The following UNC79 variants were observed in gnomAD, a reference collection of about 807,000 sequenced individuals.
UNC79 encodes the protein protein unc-79 homolog.
UNC79 carries 37 observed loss-of-function variants against 283.1 expected under a neutral mutation model. That is an observed-to-expected ratio of 0.13 (90% CI 0.10 to 0.17). The LOEUF (loss-of-function observed/expected upper bound fraction) is 0.17. Among genes scored for constraint, UNC79 ranks in the 10% least tolerant of loss-of-function variants. UNC79 has a pLI of 1.00. For synonymous variants in UNC79, 1,107 were observed against 1,200.2 expected, an observed-to-expected ratio of 0.92 and a Z score of 1.61; for missense variants, 2,272 against 3,211.1, an observed-to-expected ratio of 0.71 and a Z score of 7.07.
chr14:93,539,244 C>G (rs1229567457), intron 12 of UNC79, among the ~76,000 whole-genome samples: 2 of 147,328 alleles, frequency 1.4e-5, no homozygotes, highest in Non-Finnish European at 3.0e-5. Flanking sequence ...ATAATATGGC[C>G]GGGCGCAGTG....
chr14:93,577,884 A>G (rs2063561461), exon 18 of UNC79: 2 of 1,614,092 alleles, frequency 1.2e-6, no homozygotes, highest in Non-Finnish European at 1.7e-6. Context: ...TCAGCACAAT[A>G]TGCTTAGTCC....
At chr14:93,532,707 G>A (rs914061427) in intron 11 of UNC79, 129 bp downstream of exon 11, 2 of 1,094,176 alleles carry the variant, frequency 1.8e-6, no homozygotes, top group East Asian at 2.6e-5. Context: ...TTGTGGAGGG[G>A]TAAAGGAAAT....
chr14:93,564,609 C>T (rs1427715844), intron 14 of UNC79, among the ~76,000 whole-genome samples: 1 of 152,196 alleles, frequency 6.6e-6, no homozygotes, highest in Non-Finnish European at 1.5e-5. Flanking sequence ...ACCAAACAGG[C>T]TTTGTGTGAG....
chr14:93,650,225 G>T (rs992179277), intron 35 of UNC79, among the ~76,000 whole-genome samples: 2 of 152,008 alleles, frequency 1.3e-5, no homozygotes, highest in Admixed American at 6.6e-5. Context: ...GGACTTCTAG[G>T]TTTTTTCAGT....
At chr14:93,560,306 T>C (rs11851844) in intron 14 of UNC79, among the ~76,000 whole-genome samples, 131,150 of 151,812 alleles carry the variant, frequency 0.86, 56,738 homozygotes, top group East Asian at 0.94. Context: ...CCAGGCCAGA[T>C]CGATTTAGGT....
chr14:93,506,431 C>T (rs535708790), intron 7 of UNC79, among the ~76,000 whole-genome samples: 9 of 152,150 alleles, frequency 5.9e-5, no homozygotes, highest in East Asian at 1.9e-4. Flanking sequence ...CCATCTTGGC[C>T]AGGCTAGCCT....
intron 42 of UNC79, among the ~76,000 whole-genome samples, chr14:93,684,207 C>A (rs894163982): frequency 6.6e-6 from 1 of 152,094 alleles, no homozygotes; most frequent in Non-Finnish European, 1.5e-5. Context: ...CCATTTTTCC[C>A]TCCCCAGCAG....
In UNC79 at chr14:93,692,638, A is replaced by G. The variant is rs533212780; in HGVS notation, c.7470+692A>G. 6.4e-4 allele frequency among the ~76,000 whole-genome samples: 97 copies of G among 152,328 alleles called. No individual in the cohort carries two copies. The Middle Eastern group carries it at 0.017, about 27-fold the overall frequency. On this transcript the variant is annotated intron_variant, in intron 46 of 48. Coordinates refer to ENST00000555664, the Ensembl canonical transcript of UNC79. ...GCCTCACGTTTTCAAGCTGGCTTAT[A>G]GGGACCTATGCTCCCCAATCTTCAA... is the stretch of plus-strand genomic sequence containing the variant.
intron 42 of UNC79, among the ~76,000 whole-genome samples, chr14:93,683,133 GT>G (rs1345801085): frequency 0.018 from 2,633 of 145,042 alleles, 79 homozygotes; most frequent in African/African-American, 0.063. Flanking sequence ...ACTAAACTAT[GT>G]TTTTTTTTTT....
chr14:93,603,494 C>G, intron 26 of UNC79, 76 bp downstream of exon 26: 2 of 1,509,876 alleles, frequency 1.3e-6, no homozygotes, highest in African/African-American at 1.4e-5. Context: ...GTTGAATGTT[C>G]ACAGAGAGTA....
At chr14:93,455,828 T>C (rs2056780471) in intron 1 of UNC79, among the ~76,000 whole-genome samples, 1 of 152,012 alleles carries the variant, frequency 6.6e-6, no homozygotes, top group Non-Finnish European at 1.5e-5. Context: ...TCATAGTAAA[T>C]AGAAGAGCCA....
intron 14 of UNC79, among the ~76,000 whole-genome samples, chr14:93,561,282 G>A (rs1277506559): frequency 2.0e-5 from 3 of 152,164 alleles, no homozygotes; most frequent in Non-Finnish European, 4.4e-5. Flanking sequence ...TTTGTTGTGA[G>A]GGGTCCAAAT....
At chr14:93,662,115 T>C (rs940157567) in intron 39 of UNC79, among the ~76,000 whole-genome samples, 36 of 152,220 alleles carry the variant, frequency 2.4e-4, no homozygotes, top group Admixed American at 2.4e-3. Context: ...GCCTTCCTGA[T>C]TAACATTGGC....
In UNC79 at chr14:93,558,593, ATTTTTTTTTTTTTTTTTTTTTTTTTTT is replaced by A. The variant is rs71129647; in HGVS notation, c.1756-13283_1756-13257del. 7.3e-3 allele frequency among the ~76,000 whole-genome samples: 456 copies of A among 62,806 alleles called. 5 individuals carry two copies. Among genetic ancestry groups the A allele is most frequent in the African/African-American group, 0.031 (418 of 13,636 alleles). The allele number at this position is 62,806 out of a possible 152,430, so 41.2% of individuals were successfully genotyped here. A position where few individuals can be genotyped will look rare whatever the true frequency, so the allele number is the denominator to read the frequency against. ...AATCTTGTAGAGGAGAGAAACAGGGATTTTTTTTTTTTTTTTTTTTTTTTTTTTTTTTTTTTTTTTTTTTACCATTTA... is the reference window on the plus strand; with the variant it reads ...AATCTTGTAGAGGAGAGAAACAGGGATTTTTTTTTTTTTTTTTACCATTTA... On this transcript the variant is annotated intron_variant, in intron 14 of 48. Transcript: ENST00000555664.
At chr14:93,656,449 TA>T (rs370069555) in intron 38 of UNC79, among the ~76,000 whole-genome samples, 6,576 of 143,208 alleles carry the variant, frequency 0.046, 172 homozygotes, top group Non-Finnish European at 0.067. Flanking sequence ...TACGAAAGAT[TA>T]AAAAAAAAAA....
At chr14:93,455,269 C>T (rs1411088789) in intron 1 of UNC79, among the ~76,000 whole-genome samples, 1 of 152,116 alleles carries the variant, frequency 6.6e-6, no homozygotes, top group Non-Finnish European at 1.5e-5. Context: ...AAGAGAAGAT[C>T]GTTCTTTGAT....
At chr14:93,370,914 G>A (rs1352271846) in intron 1 of UNC79, among the ~76,000 whole-genome samples, 1 of 151,952 alleles carries the variant, frequency 6.6e-6, no homozygotes, top group Non-Finnish European at 1.5e-5. Context: ...CAAGTAATGG[G>A]AATACTAGAG....
chr14:93,657,873 G>T, intron 38 of UNC79, among the ~76,000 whole-genome samples: 1 of 152,180 alleles, frequency 6.6e-6, no homozygotes, highest in East Asian at 1.9e-4. Context: ...CCTTCTATGA[G>T]GTCAGTGGCT....
At chr14:93,623,785 C>T (rs2067325605) in intron 30 of UNC79, among the ~76,000 whole-genome samples, 1 of 152,256 alleles carries the variant, frequency 6.6e-6, no homozygotes, top group Non-Finnish European at 1.5e-5. Flanking sequence ...CCCAGCTACT[C>T]AGGAGGCTGA....
Sources: allele counts gnomAD v4.1 joint callset (sites outside exome capture counted in the v4.1 genomes callset), GRCh38; gene constraint gnomAD v4.1.1; transcripts MANE v1.5; gene names NCBI Gene and HGNC (gene_info 2026-07-23, HGNC 2026-07-21).